LRBA: variants seen among roughly 807,000 people sequenced by gnomAD.
LRBA encodes lipopolysaccharide-responsive and beige-like anchor protein.
In LRBA, 176 loss-of-function variants were observed where a neutral mutation model predicts 330.0. The observed-to-expected ratio is 0.53, with a 90% CI of 0.47 to 0.60. The LOEUF (loss-of-function observed/expected upper bound fraction) is 0.60. Among genes scored for constraint, LRBA ranks in the 20% least tolerant of loss-of-function variants. The pLI is 0.00. For synonymous variants in LRBA, 1,230 were observed against 1,193.0 expected, an observed-to-expected ratio of 1.03 and a Z score of -0.64; for missense variants, 3,259 against 3,444.8, an observed-to-expected ratio of 0.95 and a Z score of 1.35.
intron 30 of LRBA, among the ~76,000 whole-genome samples, chr4:150,822,566 G>A (rs1436685754): frequency 2.6e-5 from 4 of 151,994 alleles, no homozygotes; most frequent in African/African-American, 9.7e-5. Context: ...CAGGAGTTCA[G>A]CACCAGCCTG....
intron 2 of LRBA, among the ~76,000 whole-genome samples, chr4:150,953,652 A>G (rs1428493542): frequency 6.6e-6 from 1 of 151,912 alleles, no homozygotes; most frequent in Non-Finnish European, 1.5e-5. Context: ...ACAGAGTCTC[A>G]CTCACTGAGT....
chr4:150,637,464 C>T (rs1335797020), intron 37 of LRBA, among the ~76,000 whole-genome samples: 1 of 152,170 alleles, frequency 6.6e-6, no homozygotes, highest in Non-Finnish European at 1.5e-5. Flanking sequence ...TGTTCATGGT[C>T]TTGACAATCC....
intron 2 of LRBA, among the ~76,000 whole-genome samples, chr4:151,001,590 A>C (rs1180731150): frequency 4.6e-5 from 7 of 152,204 alleles, no homozygotes; most frequent in Middle Eastern, 6.8e-3. Flanking sequence ...CTGCATGAAC[A>C]ACCTGCAAAT....
At chr4:150,929,137 A>G (rs1004719263) in intron 2 of LRBA, 72 bp from the exon 3 acceptor site, 22 of 919,890 alleles carry the variant, frequency 2.4e-5, no homozygotes, top group Non-Finnish European at 3.3e-5. Context: ...GTTCCTAAAC[A>G]TTAGATTAAC....
intron 4 of LRBA, among the ~76,000 whole-genome samples, chr4:150,927,535 T>C (rs1463212235): frequency 6.6e-6 from 1 of 151,880 alleles, no homozygotes; most frequent in Non-Finnish European, 1.5e-5. Flanking sequence ...AGTTAACAGA[T>C]CCCAGTAACC....
At chr4:150,305,373 C>A (rs1560989462) in intron 52 of LRBA, among the ~76,000 whole-genome samples, 1 of 152,138 alleles carries the variant, frequency 6.6e-6, no homozygotes, top group Non-Finnish European at 1.5e-5. Flanking sequence ...ATGGTGGTTC[C>A]TTTTCAAAAT....
rs562386882 is a variant in LRBA at position 150,827,400 on chromosome 4, G to C, written c.5171+780C>G. Among the ~76,000 whole-genome samples the C allele has an allele frequency of 8.5e-5, 13 of 152,144 alleles. No homozygotes were observed. The East Asian group carries it at 2.5e-3, about 29-fold the overall frequency. On this transcript the variant is annotated intron_variant, in intron 30 of 56. Transcript: ENST00000651943. ...GTGCATTTCTGTAAATTTACACCAA[G>C]TGTGTCTGCCTCTCCTGCTTCCCCT...
At chr4:150,917,724 C>A (rs1008314281) in intron 5 of LRBA, among the ~76,000 whole-genome samples, 1 of 151,886 alleles carries the variant, frequency 6.6e-6, no homozygotes, top group Non-Finnish European at 1.5e-5. Flanking sequence ...GTCAGGAGTT[C>A]GAGACCAGCC....
chr4:150,883,316 C>T (rs1728604789), intron 17 of LRBA, among the ~76,000 whole-genome samples: 1 of 151,954 alleles, frequency 6.6e-6, no homozygotes, highest in African/African-American at 2.4e-5. Flanking sequence ...AAAAATTAGC[C>T]AGGCATGGGG....
intron 36 of LRBA, among the ~76,000 whole-genome samples, chr4:150,729,606 A>C (rs1730168916): frequency 6.6e-6 from 1 of 152,198 alleles, no homozygotes. Flanking sequence ...AATCTCTATC[A>C]AAATACTAAT....
At chr4:150,687,859 T>C (rs1424793260) in intron 36 of LRBA, among the ~76,000 whole-genome samples, 1 of 152,184 alleles carries the variant, frequency 6.6e-6, no homozygotes, top group Non-Finnish European at 1.5e-5. Flanking sequence ...ATCAATATCA[T>C]GAAAATGGCC....
intron 48 of LRBA, among the ~76,000 whole-genome samples, chr4:150,345,587 T>C (rs1459037174): frequency 6.6e-6 from 1 of 152,224 alleles, no homozygotes; most frequent in Non-Finnish European, 1.5e-5. Context: ...ACATGCATTA[T>C]ATGTCATCTC....
At chr4:150,804,159 T>C (rs988925224) in intron 33 of LRBA, among the ~76,000 whole-genome samples, 2 of 152,174 alleles carry the variant, frequency 1.3e-5, no homozygotes, top group Non-Finnish European at 2.9e-5. Context: ...ATTATATTAC[T>C]TCATAAGTAA....
chr4:150,345,552 G>A (rs1736169845), intron 48 of LRBA, among the ~76,000 whole-genome samples: 2 of 152,184 alleles, frequency 1.3e-5, no homozygotes, highest in East Asian at 3.9e-4. Context: ...ACTTATGAGG[G>A]GATAGGCACC....
chr4:150,692,926 A>C (rs1336328237), intron 36 of LRBA, among the ~76,000 whole-genome samples: 1 of 152,214 alleles, frequency 6.6e-6, no homozygotes, highest in Non-Finnish European at 1.5e-5. Flanking sequence ...AAGTAATTCC[A>C]CCATACAGAA....
At chr4:150,751,898 C>T (rs1733605373) in intron 35 of LRBA, among the ~76,000 whole-genome samples, 1 of 152,118 alleles carries the variant, frequency 6.6e-6, no homozygotes, top group African/African-American at 2.4e-5. Context: ...TGGGTAAGCA[C>T]ATACACATTT....
At chr4:150,273,521 T>C (rs1248088436) in intron 56 of LRBA, among the ~76,000 whole-genome samples, 1 of 151,762 alleles carries the variant, frequency 6.6e-6, no homozygotes. Flanking sequence ...GACTGGCAAA[T>C]TGGATAAAGA....
At position 150,321,043 on chromosome 4, in the gene LRBA, T is replaced by C; in HGVS notation, c.7630+148A>G. On this transcript the variant is annotated intron_variant, in intron 50 of 56. Coordinates refer to ENST00000651943, the MANE Select transcript of LRBA (RefSeq NM_001364905.1). The surrounding 1 kb of genome is among the most constrained non-coding windows in gnomAD (Gnocchi z 4.5). The stretch of plus-strand genomic sequence containing the variant: ...TTGTACTATATGCCTCACGTGGGCC[T>C]TTTTTAAGCCTTTCAAACTATTAAA... The C allele has an allele frequency of 1.4e-6, 1 of 708,352 alleles. No individual in the cohort carries two copies. 43.9% of individuals were successfully genotyped at this position (708,352 alleles called of 1,614,324 possible).
intron 2 of LRBA, among the ~76,000 whole-genome samples, chr4:150,967,461 C>T (rs1027142434): frequency 2.6e-5 from 4 of 152,214 alleles, no homozygotes; most frequent in African/African-American, 9.7e-5. Context: ...TTCTACAAAA[C>T]GACATTTCCA....
Sources: allele counts gnomAD v4.1 joint callset (sites outside exome capture counted in the v4.1 genomes callset), GRCh38; gene constraint gnomAD v4.1.1; non-coding constraint Gnocchi (gnomAD v3.1); transcripts MANE v1.5; gene names NCBI Gene and HGNC (gene_info 2026-07-23, HGNC 2026-07-21).